Variants in METTL15 observed in about 807,000 individuals in gnomAD.
METTL15 encodes the protein 12S rRNA N(4)-cytidine methyltransferase METTL15.
Under a neutral mutation model 38.3 loss-of-function variants are expected in METTL15, and 34 were observed. The observed-to-expected ratio is 0.89, with a 90% CI of 0.68 to 1.18. METTL15 has a LOEUF of 1.18. Ranked by LOEUF, METTL15 falls within the 50% of genes most tolerant of loss-of-function variation. The probability of loss-of-function intolerance (pLI) is 0.00; values close to 1 mark genes in which losing one functional copy is unlikely to be tolerated. For missense variants in METTL15, 438 were observed against 498.4 expected (o/e 0.88, Z 1.15); for synonymous variants, 162 against 170.9 (o/e 0.95, Z 0.41).
intron 3 of METTL15, among the ~76,000 whole-genome samples, chr11:28,167,766 A>G (rs1175380144): frequency 1.3e-5 from 2 of 151,738 alleles, no homozygotes; most frequent in African/African-American, 4.8e-5. Flanking sequence ...ATAAATTTAT[A>G]CTGTAATGAC....
At chr11:28,245,284 T>G (rs1854464257) in intron 4 of METTL15, among the ~76,000 whole-genome samples, 1 of 152,178 alleles carries the variant, frequency 6.6e-6, no homozygotes, top group African/African-American at 2.4e-5. Flanking sequence ...GCCTCGTCAC[T>G]TAAAAACTGT....
intron 6 of METTL15, chr11:28,517,114 TC>T (rs1851725859): frequency 1.3e-5 from 2 of 152,312 alleles, no homozygotes; most frequent in South Asian, 4.1e-4. Context: ...AATAGAATGT[TC>T]CGCTGAGTTG....
At chr11:28,191,991 T>A (rs1851716567) in intron 3 of METTL15, among the ~76,000 whole-genome samples, 1 of 151,726 alleles carries the variant, frequency 6.6e-6, no homozygotes, top group Non-Finnish European at 1.5e-5. Context: ...TTTAAAGCCT[T>A]TTTAAAATAA....
chr11:28,295,370 A>C (rs1447922171), intron 5 of METTL15, among the ~76,000 whole-genome samples: 4 of 152,172 alleles, frequency 2.6e-5, no homozygotes, highest in African/African-American at 9.6e-5. Context: ...CCAGATCTTC[A>C]TCCTGAAAGC....
chr11:28,349,346 A>G lies in METTL15; in HGVS notation c.*190-2744A>G, dbSNP rs756916240. Among the ~76,000 whole-genome samples, 4 of 152,346 alleles carry G rather than the reference A, an allele frequency of 2.6e-5. No individual in the cohort carries two copies. The South Asian group carries it at 6.2e-4, about 24-fold the overall frequency. On this transcript the variant is annotated intron_variant and NMD_transcript_variant, in intron 3 of 7. Transcript: ENST00000532947. ...GTGTTCAGATTAGCCTCCTCTGCAC[A>G]GGTCTGCCTTCCTTATCTGGGCAGG... is the stretch of plus-strand genomic sequence containing the variant.
intron 6 of METTL15, among the ~76,000 whole-genome samples, chr11:28,328,769 G>C (rs1371812595): frequency 1.3e-5 from 2 of 151,982 alleles, no homozygotes; most frequent in African/African-American, 4.8e-5. Context: ...AAGTAGATGG[G>C]ACATACCTGT....
chr11:28,313,482 A>C (rs1423341799), intron 6 of METTL15, among the ~76,000 whole-genome samples: 1 of 151,960 alleles, frequency 6.6e-6, no homozygotes, highest in Admixed American at 6.6e-5. Context: ...TATAAAGTAC[A>C]GGATTTTTAT....
intron 6 of METTL15, among the ~76,000 whole-genome samples, chr11:28,486,149 T>C (rs188439050): frequency 6.6e-6 from 1 of 152,218 alleles, no homozygotes; most frequent in East Asian, 1.9e-4. Flanking sequence ...AGTTAACACT[T>C]AGAGGTGGTA....
chr11:28,317,954 T>G (rs193242708), intron 6 of METTL15, among the ~76,000 whole-genome samples: 25 of 152,258 alleles, frequency 1.6e-4, no homozygotes, highest in East Asian at 1.4e-3. Context: ...ATACAGAAGT[T>G]TTTTTGGGGT....
chr11:28,217,889 G>A (rs1852975398), intron 4 of METTL15, among the ~76,000 whole-genome samples: 1 of 152,108 alleles, frequency 6.6e-6, no homozygotes, highest in Non-Finnish European at 1.5e-5. Flanking sequence ...CATTTTTTCT[G>A]AGGGCTCTAT....
intron 6 of METTL15, among the ~76,000 whole-genome samples, chr11:28,426,034 G>A (rs778496733): frequency 1.9e-4 from 29 of 152,198 alleles, no homozygotes; most frequent in Middle Eastern, 3.4e-3. Context: ...TTGCTGCACA[G>A]TTCATCCCAT....
At chr11:28,112,481 T>C (rs567689777) in intron 2 of METTL15, among the ~76,000 whole-genome samples, 1 of 152,214 alleles carries the variant, frequency 6.6e-6, no homozygotes, top group Non-Finnish European at 1.5e-5. Flanking sequence ...GGGTATAAAA[T>C]GCATGGTGTT....
At chr11:28,390,096 T>A (rs1850486845) in intron 5 of METTL15, among the ~76,000 whole-genome samples, 1 of 151,562 alleles carries the variant, frequency 6.6e-6, no homozygotes, top group South Asian at 2.1e-4. Flanking sequence ...TCTTGTAAAT[T>A]TGTTTGAGTT....
intron 6 of METTL15, among the ~76,000 whole-genome samples, chr11:28,497,184 G>GT (rs770434045): frequency 6.6e-6 from 1 of 152,206 alleles, no homozygotes; most frequent in Non-Finnish European, 1.5e-5. Context: ...GGAGTGAAAT[G>GT]TTACTCACTT....
At chr11:28,346,469 T>C (rs2133358025) in intron 3 of METTL15, among the ~76,000 whole-genome samples, 1 of 152,202 alleles carries the variant, frequency 6.6e-6, no homozygotes, top group East Asian at 1.9e-4. Context: ...AGGCACTTGA[T>C]AGAGAAGGAA....
chr11:28,133,528 A>G (rs1227617437), intron 3 of METTL15, among the ~76,000 whole-genome samples: 1 of 152,226 alleles, frequency 6.6e-6, no homozygotes, highest in East Asian at 1.9e-4. Flanking sequence ...AATTAGGTTG[A>G]CCAGTGTAAT....
intron 4 of METTL15, among the ~76,000 whole-genome samples, chr11:28,255,683 T>A (rs1413955052): frequency 6.6e-6 from 1 of 152,222 alleles, no homozygotes; most frequent in Non-Finnish European, 1.5e-5. Context: ...ATCAAATGCT[T>A]TTCAGCATCG....
downstream of METTL15, among the ~76,000 whole-genome samples, chr11:28,527,709 A>G (rs1590405095): frequency 6.6e-6 from 1 of 152,356 alleles, no homozygotes; most frequent in East Asian, 1.9e-4. Context: ...CAAGGAAGTG[A>G]TAATTGAACG....
At chr11:28,195,350 C>G (rs1851870627) in intron 3 of METTL15, among the ~76,000 whole-genome samples, 1 of 152,026 alleles carries the variant, frequency 6.6e-6, no homozygotes, top group Admixed American at 6.6e-5. Context: ...TAAGTTTTCC[C>G]TTTTCCACAC....
Sources: allele counts gnomAD v4.1 joint callset (sites outside exome capture counted in the v4.1 genomes callset), GRCh38; gene constraint gnomAD v4.1.1; transcripts MANE v1.5; gene names NCBI Gene and HGNC (gene_info 2026-07-23, HGNC 2026-07-21).